USP45: variants seen among roughly 807,000 people sequenced by gnomAD.
USP45 encodes ubiquitin carboxyl-terminal hydrolase 45.
In USP45, 89 loss-of-function variants were observed where a neutral mutation model predicts 95.8. The ratio of observed to expected loss-of-function variants is 0.93; its 90% CI spans 0.78 to 1.11. USP45 has a LOEUF of 1.11. Ranked by LOEUF, USP45 falls within the 50% of genes least tolerant of loss-of-function variation. The pLI is 0.00. For missense variants in USP45, 898 were observed against 942.5 expected (o/e 0.95, Z 0.62); for synonymous variants, 281 against 316.2 (o/e 0.89, Z 1.18).
At chr6:99,463,568 C>CATTG (rs988748318) in intron 13 of USP45, among the ~76,000 whole-genome samples, 13 of 152,004 alleles carry the variant, frequency 8.6e-5, no homozygotes, top group African/African-American at 3.1e-4. Context: ...ACATGGCAAT[C>CATTG]ATTGGGAGGC....
intron 15 of USP45, among the ~76,000 whole-genome samples, chr6:99,443,109 T>C (rs1180251088): frequency 6.6e-6 from 1 of 151,926 alleles, no homozygotes; most frequent in African/African-American, 2.4e-5. Flanking sequence ...CCCAGCTATT[T>C]GGGAGGCTGA....
chr6:99,450,650 T>C (rs991935329), intron 13 of USP45, among the ~76,000 whole-genome samples: 6 of 152,090 alleles, frequency 3.9e-5, no homozygotes, highest in African/African-American at 1.2e-4. Flanking sequence ...TTCTAATCAA[T>C]AGAAAAAGAG....
At chr6:99,478,271 A>G (rs1178622458) in intron 8 of USP45, among the ~76,000 whole-genome samples, 1 of 143,604 alleles carries the variant, frequency 7.0e-6, no homozygotes, top group Admixed American at 7.2e-5. Flanking sequence ...AAAAAAAATC[A>G]TAGGATGATT....
intron 7 of USP45, 45 bp downstream of exon 7, chr6:99,488,155 G>A (rs1794404048): frequency 7.5e-7 from 1 of 1,330,558 alleles, no homozygotes; most frequent in Non-Finnish European, 1.1e-6. Context: ...GGTAACATCA[G>A]TGGCTCATCT....
At chr6:99,465,510 G>C (rs559475149) in intron 11 of USP45, among the ~76,000 whole-genome samples, 1 of 152,266 alleles carries the variant, frequency 6.6e-6, no homozygotes, top group South Asian at 2.1e-4. Flanking sequence ...AAAAAAAGCA[G>C]AGAGCTTGGC....
chr6:99,486,832 TACACACACACACAA>T (rs1162856357), intron 7 of USP45, among the ~76,000 whole-genome samples: 2 of 151,206 alleles, frequency 1.3e-5, no homozygotes, highest in Admixed American at 6.6e-5. Context: ...CTTACACACT[TACACACACACACAA>T]ACACACACAC....
intron 5 of USP45, chr6:99,502,032 G>A (rs969607524): frequency 1.5e-6 from 2 of 1,293,012 alleles, no homozygotes; most frequent in Admixed American, 2.5e-5. Context: ...CCAACCATGT[G>A]ATTAGAATGT....
At chr6:99,484,758 C>G (rs1271651108) in intron 7 of USP45, among the ~76,000 whole-genome samples, 1 of 151,194 alleles carries the variant, frequency 6.6e-6, no homozygotes, top group Non-Finnish European at 1.5e-5. Flanking sequence ...ACCACTGCAC[C>G]CCAGTGTGAG....
intron 5 of USP45, among the ~76,000 whole-genome samples, chr6:99,497,889 C>T (rs1796637719): frequency 6.6e-6 from 1 of 152,286 alleles, no homozygotes; most frequent in East Asian, 1.9e-4. Context: ...ATTTTCTTTG[C>T]CTGGAACACA....
In USP45 at chr6:99,433,366, T is replaced by C. The variant is rs1226521394; in HGVS notation, c.*2350A>G. ...TGTTGATGATAAGTAAACATTATTA[T>C]TTATTTATACTGTTTCCTGAGGTGA... On this transcript the variant is annotated 3_prime_UTR_variant, in exon 18 of 18. Coordinates refer to ENST00000500704, the MANE Select transcript of USP45 (RefSeq NM_001346022.3). The C allele has an allele frequency of 6.6e-6, 1 of 152,618 alleles. No homozygotes were observed. Among genetic ancestry groups the C allele is most frequent in the Non-Finnish European group, 1.5e-5 (1 of 68,030 alleles). 9.5% of individuals were successfully genotyped at this position (152,618 alleles called of 1,614,324 possible). A position where few individuals can be genotyped will look rare whatever the true frequency, so the allele number is the denominator to read the frequency against.
At chr6:99,505,865 C>T (rs1441336355) in intron 4 of USP45, among the ~76,000 whole-genome samples, 2 of 152,152 alleles carry the variant, frequency 1.3e-5, no homozygotes, top group South Asian at 2.1e-4. Context: ...TCTGTCATAA[C>T]AAGATCTCCC....
Position 99,488,815 on chromosome 6 carries a change from A to G in USP45, c.484T>C (p.Phe162Leu), listed in dbSNP as rs759665600. ...TCACAAAGTTTCATGATTCTAGAAA[A>G]TGCACCTACAAGTTAGAGAAAAAAT... Reference protein sequence around the residue: ...KHASKTQTSAFSRIMKLCEEK... With the variant: ...KHASKTQTSALSRIMKLCEEK... Residue 162 changes from phenylalanine to leucine, a missense_variant, in exon 6 of 18, where the codon TTT becomes CTT. Physicochemically the swap from Phe to Leu is conservative, Grantham distance 22 (BLOSUM62 0). Coordinates refer to ENST00000500704, the MANE Select transcript of USP45 (RefSeq NM_001346022.3). 6.3e-7 allele frequency: 1 copy of G among 1,582,208 alleles called. No individual in the cohort carries two copies. The highest frequency in any genetic ancestry group is 8.6e-7 in the Non-Finnish European group (1 of 1,168,068).
intron 13 of USP45, among the ~76,000 whole-genome samples, chr6:99,454,094 A>C (rs1784491795): frequency 6.6e-6 from 1 of 152,230 alleles, no homozygotes; most frequent in South Asian, 2.1e-4. Context: ...ACAGTAACCA[A>C]AACAGTATGG....
chr6:99,445,115 G>A (rs539048005), intron 14 of USP45, among the ~76,000 whole-genome samples: 10 of 152,126 alleles, frequency 6.6e-5, no homozygotes, highest in South Asian at 6.2e-4. Context: ...TTTATCTTAC[G>A]TTGAGTTTAC....
intron 1 of USP45, among the ~76,000 whole-genome samples, chr6:99,512,042 T>C (rs1192698179): frequency 6.6e-6 from 1 of 152,038 alleles, no homozygotes; most frequent in Non-Finnish European, 1.5e-5. Flanking sequence ...TCATATTCCA[T>C]CATATTCTAA....
In USP45 at chr6:99,468,598, T is replaced by C; in HGVS notation, c.954A>G (p.Leu318=). ...TAGTAGTTGGGTTGTTAAATGCTTT[T>C]AGAATGCTAGCTTGTATTCGCTGTA... The part of the protein sequence containing the change: ...EETKRIQASI[L]KAFNNPTTKT... The change falls in exon 10 of 18, where the codon CTA becomes CTG. Residue 318 remains leucine (L), a synonymous_variant. Coordinates refer to ENST00000500704, the MANE Select transcript of USP45 (RefSeq NM_001346022.3). 1.9e-6 allele frequency: 3 copies of C among 1,607,616 alleles called. No individual in the cohort carries two copies. The highest frequency in any genetic ancestry group is 2.6e-6 in the Non-Finnish European group (3 of 1,175,876).
chr6:99,514,858 G>C lies in USP45; in HGVS notation c.-11+534C>G, dbSNP rs1323717. On this transcript the variant is annotated intron_variant, in intron 1 of 17. Transcript: ENST00000500704. Reference sequence around the variant, plus strand: ...CCACGCAACCCTCACAACCACCTTAGGAGATAAGTTGCTATTATTTTCCGC... The same window carrying C: ...CCACGCAACCCTCACAACCACCTTACGAGATAAGTTGCTATTATTTTCCGC... The C allele has an allele frequency of 0.11, 16,193 of 152,152 alleles. 989 individuals carry two copies. The highest frequency in any genetic ancestry group is 0.12 in the Middle Eastern group (35 of 294). The allele number at this position is 152,152 out of a possible 1,614,324, so 9.4% of individuals were successfully genotyped here.
At chr6:99,512,130 G>C (rs1310430099) in intron 1 of USP45, among the ~76,000 whole-genome samples, 1 of 151,964 alleles carries the variant, frequency 6.6e-6, no homozygotes, top group Non-Finnish European at 1.5e-5. Context: ...ACTTGATATT[G>C]GTTATGTCTC....
In USP45 at chr6:99,469,284, T is replaced by C. The variant is rs1788712890; in HGVS notation, c.934-666A>G. Among the ~76,000 whole-genome samples, 6 of 151,740 alleles carry C rather than the reference T, an allele frequency of 4.0e-5. No homozygotes were observed. The South Asian group carries it at 1.2e-3, about 32-fold the overall frequency. ...TGTGTATGTTTTAGGAAAGATCCAA[T>C]CTCACAGAAAAGTTTCAGAATAAAA... On this transcript the variant is annotated intron_variant, in intron 9 of 17. Transcript: ENST00000500704.
Sources: gnomAD v4.1 joint callset for allele counts (sites outside exome capture counted in the v4.1 genomes callset) on GRCh38, gnomAD v4.1.1 for gene constraint, MANE v1.5 for transcripts, NCBI Gene and HGNC (gene_info 2026-07-23, HGNC 2026-07-21) for gene names.